ARHGDIB: variants seen among roughly 807,000 people sequenced by gnomAD.
The protein encoded by ARHGDIB is rho GDP-dissociation inhibitor 2.
In ARHGDIB, 20 loss-of-function variants were observed where a neutral mutation model predicts 22.6. The observed-to-expected ratio is 0.88, with a 90% CI of 0.62 to 1.28. The LOEUF is 1.28. Among genes scored for constraint, ARHGDIB ranks in the 50% most tolerant of loss-of-function variants. The pLI is 0.00. For synonymous variants in ARHGDIB, 114 were observed against 96.1 expected (o/e 1.19, Z -1.09); for missense variants, 254 against 245.4 (o/e 1.04, Z -0.23).
At chr12:14,947,760 G>T (rs71530943) in intron 4 of ARHGDIB, 113 bp downstream of exon 4, 5 of 908,634 alleles carry the variant, frequency 5.5e-6, no homozygotes, top group Admixed American at 3.9e-5. Context: ...CAGCTTGGGG[G>T]TACTAGGGGA....
At chr12:14,948,100 G>GCACGCA in intron 3 of ARHGDIB, 151 bp from the exon 4 acceptor site, 2 of 436,272 alleles carry the variant, frequency 4.6e-6, no homozygotes, top group Non-Finnish European at 8.5e-6. Context: ...TTTAGTCCTT[G>GCACGCA]CACACACACA....
intron 1 of ARHGDIB, among the ~76,000 whole-genome samples, chr12:14,951,624 C>T (rs1366486037): frequency 2.6e-5 from 4 of 151,626 alleles, no homozygotes; most frequent in Non-Finnish European, 5.9e-5. Flanking sequence ...TTCCATTGAC[C>T]TTATAAGGCC....
chr12:14,942,339 C>A lies in ARHGDIB; in HGVS notation c.*183G>T. ...CAGAGGGAGCAGGTTGGGTGAAAGC[C>A]CGGTTTTAAGCCTCTTGTTCTAGGG... On this transcript the variant is annotated 3_prime_UTR_variant, in exon 6 of 6. Coordinates refer to ENST00000228945, the MANE Select transcript of ARHGDIB (RefSeq NM_001175.7). 6 of 656,680 alleles carry A rather than the reference C, an allele frequency of 9.1e-6. No homozygotes were observed. Among genetic ancestry groups the A allele is most frequent in the Non-Finnish European group, 1.6e-5 (6 of 386,292 alleles). 40.7% of individuals were successfully genotyped at this position (656,680 alleles called of 1,614,324 possible).
chr12:14,955,067 T>C (rs186921325), intron 1 of ARHGDIB, among the ~76,000 whole-genome samples: 2 of 152,316 alleles, frequency 1.3e-5, no homozygotes, highest in Admixed American at 1.3e-4. Flanking sequence ...CTCCCAGACA[T>C]AAAATTATTT....
At chr12:14,959,081 C>T (rs559779733) in intron 1 of ARHGDIB, among the ~76,000 whole-genome samples, 8 of 152,190 alleles carry the variant, frequency 5.3e-5, no homozygotes, top group Non-Finnish European at 8.8e-5. Context: ...TGCGTTCACG[C>T]CCCTGCACTT....
intron 5 of ARHGDIB, 83 bp from the exon 6 acceptor site, chr12:14,942,804 C>T: frequency 2.5e-6 from 3 of 1,211,564 alleles, no homozygotes; most frequent in Non-Finnish European, 3.5e-6. Flanking sequence ...TGGACTACAG[C>T]CTACAGTGAT....
Position 14,942,120 on chromosome 12 carries a change from G to A in ARHGDIB, c.*402C>T, listed in dbSNP as rs564713173. 115 of 205,910 alleles carry A rather than the reference G, an allele frequency of 5.6e-4. 1 individual carries two copies. The highest frequency in any genetic ancestry group is 9.7e-4 in the Non-Finnish European group (96 of 98,972). 12.8% of individuals were successfully genotyped at this position (205,910 alleles called of 1,614,324 possible). Reference sequence around the variant, plus strand: ...CCCTCTGGCAGGGGATGTGACTAGGGACTCATTGGGCCAGCAACAACCACA... The same window carrying A: ...CCCTCTGGCAGGGGATGTGACTAGGAACTCATTGGGCCAGCAACAACCACA... On this transcript the variant is annotated 3_prime_UTR_variant, in exon 6 of 6. Coordinates refer to ENST00000228945, the MANE Select transcript of ARHGDIB (RefSeq NM_001175.7).
In ARHGDIB at chr12:14,960,782, C is replaced by T. The variant is rs187492205; in HGVS notation, c.-13+755G>A. Among the ~76,000 whole-genome samples the T allele has an allele frequency of 3.7e-3, 558 of 152,324 alleles. 5 individuals carry two copies. Among genetic ancestry groups the T allele is most frequent in the African/African-American group, 0.012 (485 of 41,574 alleles). ...CCTCCCAAAGTGCTGGGATTGCAGG[C>T]GTGAGCCACCACGCCCAGCCCTATT... is the stretch of plus-strand genomic sequence containing the variant. On this transcript the variant is annotated intron_variant, in intron 1 of 5. Transcript: ENST00000228945.
At chr12:14,948,100 G>GCGCGCTCA in intron 3 of ARHGDIB, 151 bp from the exon 4 acceptor site, 9 of 436,270 alleles carry the variant, frequency 2.1e-5, no homozygotes, top group East Asian at 3.9e-5. Flanking sequence ...TTTAGTCCTT[G>GCGCGCTCA]CACACACACA....
intron 1 of ARHGDIB, among the ~76,000 whole-genome samples, chr12:14,952,038 G>T (rs926575158): frequency 1.3e-5 from 2 of 152,100 alleles, no homozygotes; most frequent in African/African-American, 2.4e-5. Context: ...CTATCTTGAG[G>T]GTAACTCTTT....
chr12:14,951,128 G>C (rs1406968219), intron 1 of ARHGDIB: 1 of 157,580 alleles, frequency 6.3e-6, no homozygotes, highest in Non-Finnish European at 1.4e-5. Flanking sequence ...AAAGCTTGCA[G>C]CATGCACAGT....
intron 1 of ARHGDIB, among the ~76,000 whole-genome samples, chr12:14,957,043 C>T (rs949743336): frequency 6.6e-6 from 1 of 152,198 alleles, no homozygotes; most frequent in Non-Finnish European, 1.5e-5. Flanking sequence ...AAAGGTAGAA[C>T]TCCTGAGTTT....
At chr12:14,953,194 A>T (rs548018034) in intron 1 of ARHGDIB, among the ~76,000 whole-genome samples, 2 of 152,360 alleles carry the variant, frequency 1.3e-5, no homozygotes, top group South Asian at 4.1e-4. Context: ...TAAAGAGTGG[A>T]GGATACTGTG....
At chr12:14,957,130 A>G (rs911841387) in intron 1 of ARHGDIB, among the ~76,000 whole-genome samples, 1 of 152,182 alleles carries the variant, frequency 6.6e-6, no homozygotes, top group African/African-American at 2.4e-5. Context: ...AGTCAGATGG[A>G]CCAGGGATTC....
chr12:14,947,749 C>T (rs2075265), intron 4 of ARHGDIB, 124 bp downstream of exon 4: 193,468 of 805,268 alleles, frequency 0.24, 24,795 homozygotes, highest in Middle Eastern at 0.28. Context: ...CATTCCAGAC[C>T]CAGCTTGGGG....
chr12:14,954,073 G>A (rs1864246113), intron 1 of ARHGDIB, among the ~76,000 whole-genome samples: 1 of 151,944 alleles, frequency 6.6e-6, no homozygotes, highest in Non-Finnish European at 1.5e-5. Context: ...CTGCCTCCTG[G>A]ACTCAAGCAA....
rs188612056 is a variant in ARHGDIB at position 14,948,744 on chromosome 12, A to T, written c.266-795T>A. The T allele has an allele frequency of 6.6e-5, 10 of 152,348 alleles. No homozygotes were observed. In the East Asian group the frequency reaches 1.9e-3, roughly 29 times the overall value. The allele number at this position is 152,348 out of a possible 1,614,324, so 9.4% of individuals were successfully genotyped here. Reference sequence around the variant, plus strand: ...GCAATACTACCAGGTCCTGCTGAAGAGAACAGATTTCTTTAGCGCTAATTC... The same window carrying T: ...GCAATACTACCAGGTCCTGCTGAAGTGAACAGATTTCTTTAGCGCTAATTC... On this transcript the variant is annotated intron_variant, in intron 3 of 5. Transcript: ENST00000228945.
In ARHGDIB at chr12:14,944,837, C is replaced by G; in HGVS notation, c.345G>C (p.Val115=). The part of the protein sequence containing the change: ...SEYRVKIHFK[V]NRDIVSGLKY... Reference sequence around the variant, plus strand: ...TCAGGCCTGACACAATATCCCTGTTCACCTGCAGGTGGGAAGGAACCAAGA... The same window carrying G: ...TCAGGCCTGACACAATATCCCTGTTGACCTGCAGGTGGGAAGGAACCAAGA... The change falls in exon 5 of 6, where the codon GTG becomes GTC. Residue 115 remains valine (V), a splice_region_variant and synonymous_variant. Transcript: ENST00000228945. 6.2e-7 allele frequency: 1 copy of G among 1,613,008 alleles called. No homozygotes were observed. The highest frequency in any genetic ancestry group is 8.5e-7 in the Non-Finnish European group (1 of 1,179,434).
chr12:14,959,557 G>A (rs1474999722), intron 1 of ARHGDIB, among the ~76,000 whole-genome samples: 3 of 152,154 alleles, frequency 2.0e-5, no homozygotes, highest in Non-Finnish European at 2.9e-5. Flanking sequence ...TTTTCTATCT[G>A]CATAATTTCG....
Sources: gnomAD v4.1 joint callset for allele counts (sites outside exome capture counted in the v4.1 genomes callset) on GRCh38, gnomAD v4.1.1 for gene constraint, MANE v1.5 for transcripts, NCBI Gene and HGNC (gene_info 2026-07-23, HGNC 2026-07-21) for gene names.